The following INPP5A variants were observed in gnomAD, a reference collection of about 807,000 sequenced individuals.
INPP5A encodes the protein 43 kDa inositol polyphosphate 5-phophatase.
INPP5A carries 14 observed loss-of-function variants against 65.2 expected under a neutral mutation model. The ratio of observed to expected loss-of-function variants is 0.21; its 90% CI spans 0.14 to 0.34. INPP5A has a LOEUF of 0.34. Ranked by LOEUF, INPP5A falls within the 10% of genes least tolerant of loss-of-function variation. The pLI is 1.00. For missense variants in INPP5A, 431 were observed against 545.6 expected (o/e 0.79, Z 2.09); for synonymous variants, 207 against 208.3 (o/e 0.99, Z 0.05).
chr10:132,594,374 C>G (rs542833553), intron 1 of INPP5A, among the ~76,000 whole-genome samples: 57 of 152,332 alleles, frequency 3.7e-4, no homozygotes, highest in Middle Eastern at 3.4e-3. Flanking sequence ...CACTGCGGAA[C>G]GTACTGAGAC....
chr10:132,623,892 T>C (rs2072139957), intron 2 of INPP5A, among the ~76,000 whole-genome samples: 1 of 152,204 alleles, frequency 6.6e-6, no homozygotes, highest in Admixed American at 6.5e-5. Context: ...AGTAAGTGCC[T>C]GAGATGGTGC....
At chr10:132,691,943 C>T (rs1476213667) in intron 5 of INPP5A, among the ~76,000 whole-genome samples, 1 of 151,606 alleles carries the variant, frequency 6.6e-6, no homozygotes, top group Non-Finnish European at 1.5e-5. Context: ...TCGCGGGAGG[C>T]GTGCGGTCCT....
chr10:132,704,803 C>T lies in INPP5A; in HGVS notation c.475-3510C>T, dbSNP rs1487723043. On this transcript the variant is annotated intron_variant, in intron 6 of 15. Transcript: ENST00000368594. The surrounding 1 kb of genome is among the most constrained non-coding windows in gnomAD (Gnocchi z 4.5). ...TGGAGTGTGGAGGATGGAGGAAGGG[C>T]GTCTGGACAGGCGGCAGGCAGCTCC... Among the ~76,000 whole-genome samples, 3 of 150,882 alleles carry T rather than the reference C, an allele frequency of 2.0e-5. No individual in the cohort carries two copies. Among genetic ancestry groups the T allele is most frequent in the Admixed American group, 1.3e-4 (2 of 15,164 alleles).
intron 9 of INPP5A, among the ~76,000 whole-genome samples, chr10:132,734,871 C>T (rs533789470): frequency 1.4e-4 from 21 of 152,336 alleles, no homozygotes; most frequent in African/African-American, 4.8e-4. Flanking sequence ...GCAGGGTCCT[C>T]GGATGGAGCT....
At chr10:132,649,298 G>GACT (rs755900152) in intron 3 of INPP5A, among the ~76,000 whole-genome samples, 23 of 152,208 alleles carry the variant, frequency 1.5e-4, no homozygotes, top group Non-Finnish European at 2.6e-4. Flanking sequence ...CAGTTGCAAT[G>GACT]ACTGTTCCCA....
At chr10:132,554,333 T>C (rs144874441) in intron 1 of INPP5A, among the ~76,000 whole-genome samples, 1 of 152,096 alleles carries the variant, frequency 6.6e-6, no homozygotes, top group Non-Finnish European at 1.5e-5. Context: ...GTCCAGTGGC[T>C]GGAGGGTGGC....
chr10:132,537,993 G>A lies in INPP5A; in HGVS notation c.-104G>A. On this transcript the variant is annotated 5_prime_UTR_variant, in exon 1 of 16. Coordinates refer to ENST00000368594, the MANE Select transcript of INPP5A (RefSeq NM_005539.5). ...ATGCGCCCCGGGGCCGCCCCCCGGC[G>A]CAGCTGACGCCCCGCGGCCCCGCGA... 2.7e-6 allele frequency: 1 copy of A among 374,848 alleles called. No homozygotes were observed. Among genetic ancestry groups the A allele is most frequent in the Non-Finnish European group, 3.6e-6 (1 of 274,248 alleles). The allele number at this position is 374,848 out of a possible 1,614,324, so 23.2% of individuals were successfully genotyped here.
chr10:132,611,582 CAG>C (rs1590867050), intron 2 of INPP5A, among the ~76,000 whole-genome samples: 2 of 125,126 alleles, frequency 1.6e-5, no homozygotes, highest in East Asian at 2.6e-4. Flanking sequence ...GAGGCCCTGT[CAG>C]GGGAGGGTGA....
chr10:132,668,278 G>T (rs570478856), intron 4 of INPP5A, among the ~76,000 whole-genome samples: 26 of 152,272 alleles, frequency 1.7e-4, no homozygotes, highest in Non-Finnish European at 3.2e-4. Context: ...TCACGTTCCT[G>T]CCATGGGCTG....
intron 4 of INPP5A, among the ~76,000 whole-genome samples, chr10:132,687,336 C>T (rs1382665550): frequency 6.6e-6 from 1 of 152,224 alleles, no homozygotes; most frequent in Non-Finnish European, 1.5e-5. Context: ...GATAGCGGGT[C>T]AGTCGAGCAG....
intron 8 of INPP5A, among the ~76,000 whole-genome samples, chr10:132,712,321 TTG>T (rs200112725): frequency 4.6e-4 from 70 of 151,784 alleles, no homozygotes; most frequent in Non-Finnish European, 9.3e-4. Flanking sequence ...CTTGTGGGGT[TTG>T]TGTGGGGGTG....
chr10:132,700,099 C>G (rs533875715), intron 6 of INPP5A, among the ~76,000 whole-genome samples: 1 of 152,194 alleles, frequency 6.6e-6, no homozygotes, highest in African/African-American at 2.4e-5. Flanking sequence ...GCCTCAGGCC[C>G]GGTTTGTATA....
rs886956486 is a variant in INPP5A at position 132,644,731 on chromosome 10, G to A, written c.118-1137G>A. On this transcript the variant is annotated intron_variant, in intron 2 of 15. Transcript: ENST00000368594. The surrounding 1 kb of genome is among the most constrained non-coding windows in gnomAD (Gnocchi z 6.5). Reference sequence around the variant, plus strand: ...GGCACCAGACAGAGAGCCCTGTCGGGGCTTGCTCCTTGGAAGCGCTGCGCA... The same window carrying A: ...GGCACCAGACAGAGAGCCCTGTCGGAGCTTGCTCCTTGGAAGCGCTGCGCA... 6.6e-6 allele frequency among the ~76,000 whole-genome samples: 1 copy of A among 152,224 alleles called. No individual in the cohort carries two copies. Among genetic ancestry groups the A allele is most frequent in the Non-Finnish European group, 1.5e-5 (1 of 68,042 alleles).
In INPP5A at chr10:132,663,233, T is replaced by C. The variant is rs1440995158; in HGVS notation, c.306+12728T>C. Reference sequence around the variant, plus strand: ...GACTTTCTTCTCGTTAAATCTTATTTTATTTTGACACAGGATGTCACTCTG... The same window carrying C: ...GACTTTCTTCTCGTTAAATCTTATTCTATTTTGACACAGGATGTCACTCTG... On this transcript the variant is annotated intron_variant, in intron 4 of 15. Transcript: ENST00000368594. This position sits in a 1 kb window ranked among gnomAD's most constrained non-coding sequence, Gnocchi z 4.5. Among the ~76,000 whole-genome samples, 3 of 152,212 alleles carry C rather than the reference T, an allele frequency of 2.0e-5. No individual in the cohort carries two copies. The highest frequency in any genetic ancestry group is 4.4e-5 in the Non-Finnish European group (3 of 68,044).
chr10:132,541,222 C>G (rs1010763599), intron 1 of INPP5A, among the ~76,000 whole-genome samples: 3 of 152,234 alleles, frequency 2.0e-5, no homozygotes, highest in African/African-American at 7.2e-5. Context: ...AAGCAATCCA[C>G]CTGCCTCGGC....
At chr10:132,562,413 G>T (rs1236335051) in intron 1 of INPP5A, among the ~76,000 whole-genome samples, 1 of 152,246 alleles carries the variant, frequency 6.6e-6, no homozygotes, top group African/African-American at 2.4e-5. Context: ...GTGAACCTGG[G>T]CCTGGGGGTG....
chr10:132,731,266 TATCAGGTGTCCCTCCTGCGC>T (rs1405710479), intron 9 of INPP5A, among the ~76,000 whole-genome samples: 10 of 150,400 alleles, frequency 6.6e-5, no homozygotes, highest in African/African-American at 2.5e-4. Context: ...CCCTCCTGCG[TATCAGGTGTCCCTCCTGCGC>T]ATCAGGCGCC....
chr10:132,543,549 G>A (rs2070933575), intron 1 of INPP5A, among the ~76,000 whole-genome samples: 1 of 151,998 alleles, frequency 6.6e-6, no homozygotes, highest in Non-Finnish European at 1.5e-5. Context: ...CCTGAATAAC[G>A]GGGACTACAG....
chr10:132,708,162 C>T (rs138322259), intron 6 of INPP5A, 151 bp from the exon 7 acceptor site: 113 of 672,650 alleles, frequency 1.7e-4, no homozygotes, highest in East Asian at 1.4e-3. Context: ...GTGCACAGCT[C>T]GGTTCTCTTT....
Sources: gnomAD v4.1 joint callset for allele counts (sites outside exome capture counted in the v4.1 genomes callset) on GRCh38, gnomAD v4.1.1 for gene constraint, Gnocchi (gnomAD v3.1) non-coding constraint, MANE v1.5 for transcripts, NCBI Gene and HGNC (gene_info 2026-07-23, HGNC 2026-07-21) for gene names.